The following PID1 variants were observed in gnomAD, a reference collection of about 807,000 sequenced individuals.
PID1 encodes the protein phosphotyrosine interaction domain containing 1.
In PID1, 10 loss-of-function variants were observed where a neutral mutation model predicts 19.1. The observed-to-expected ratio is 0.52, with a 90% CI of 0.32 to 0.89. The LOEUF is 0.89. Among genes scored for constraint, PID1 ranks in the 40% least tolerant of loss-of-function variants. The pLI, the probability that PID1 is intolerant of heterozygous loss-of-function variation, is 0.03. For synonymous variants in PID1, 130 were observed against 116.0 expected, an observed-to-expected ratio of 1.12 and a Z score of -0.78; for missense variants, 248 against 285.3, an observed-to-expected ratio of 0.87 and a Z score of 0.94.
chr2:229,190,719 C>A (rs368042703), intron 1 of PID1, among the ~76,000 whole-genome samples: 6 of 152,148 alleles, frequency 3.9e-5, no homozygotes, highest in Non-Finnish European at 7.3e-5. Flanking sequence ...CTAGGTATAT[C>A]GGCTCTTCTT....
chr2:229,085,593 T>C (rs1194207272), intron 2 of PID1, among the ~76,000 whole-genome samples: 2 of 152,190 alleles, frequency 1.3e-5, no homozygotes, highest in Non-Finnish European at 2.9e-5. Flanking sequence ...GTCAAAATGG[T>C]AGTTAGAAGA....
At chr2:229,227,497 G>A (rs1213546432) in intron 1 of PID1, among the ~76,000 whole-genome samples, 1 of 152,182 alleles carries the variant, frequency 6.6e-6, no homozygotes, top group Non-Finnish European at 1.5e-5. Flanking sequence ...CCTTTCAGGG[G>A]TAGCAATTAT....
At chr2:229,171,504 T>C (rs529082621) in intron 1 of PID1, among the ~76,000 whole-genome samples, 1 of 152,340 alleles carries the variant, frequency 6.6e-6, no homozygotes, top group South Asian at 2.1e-4. Flanking sequence ...ATTATCATCA[T>C]ATCTAGAAAG....
chr2:229,036,718 G>A (rs184230848), intron 2 of PID1, among the ~76,000 whole-genome samples: 40 of 152,128 alleles, frequency 2.6e-4, no homozygotes, highest in African/African-American at 9.4e-4. Flanking sequence ...ACTGCACTCC[G>A]GTCTGGGCAA....
chr2:229,231,776 T>A, intron 1 of PID1: 1 of 1,315,002 alleles, frequency 7.6e-7, no homozygotes, highest in Non-Finnish European at 1.0e-6. Context: ...CATGGATGTG[T>A]CTCAATAGTC....
chr2:229,100,273 C>A (rs2106227323), intron 2 of PID1, among the ~76,000 whole-genome samples: 1 of 152,304 alleles, frequency 6.6e-6, no homozygotes, highest in East Asian at 1.9e-4. Flanking sequence ...ACTCCAAACT[C>A]AGTTTTATTT....
chr2:229,100,647 A>G (rs1415387099), intron 2 of PID1, among the ~76,000 whole-genome samples: 1 of 152,192 alleles, frequency 6.6e-6, no homozygotes, highest in Non-Finnish European at 1.5e-5. Flanking sequence ...CTCTATGCCC[A>G]CCCATAAGGA....
chr2:229,102,068 G>T (rs1695084331), intron 2 of PID1, among the ~76,000 whole-genome samples: 2 of 152,086 alleles, frequency 1.3e-5, no homozygotes, highest in African/African-American at 4.8e-5. Flanking sequence ...TGAAGATGGA[G>T]AATGGGCCAC....
At chr2:229,148,533 G>A (rs983445367) in intron 2 of PID1, among the ~76,000 whole-genome samples, 1 of 152,066 alleles carries the variant, frequency 6.6e-6, no homozygotes, top group Non-Finnish European at 1.5e-5. Flanking sequence ...AGATTCCTCC[G>A]GTTTTCAAAA....
In PID1 at chr2:229,025,279, G is replaced by T. The variant is rs1043470331; in HGVS notation, c.*353C>A. On this transcript the variant is annotated 3_prime_UTR_variant, in exon 3 of 3. Coordinates refer to ENST00000392055, the MANE Select transcript of PID1 (RefSeq NM_001100818.2). Reference sequence around the variant, plus strand: ...CTTGTGGAATTTCATAAGGCAGATCGGAATGGCCCATCCAATAACAGCTGC... The same window carrying T: ...CTTGTGGAATTTCATAAGGCAGATCTGAATGGCCCATCCAATAACAGCTGC... 4.3e-6 allele frequency: 1 copy of T among 231,524 alleles called. No homozygotes were observed. Among genetic ancestry groups the T allele is most frequent in the Non-Finnish European group, 8.7e-6 (1 of 115,364 alleles). The allele number at this position is 231,524 out of a possible 1,614,324, so 14.3% of individuals were successfully genotyped here. A position where few individuals can be genotyped will look rare whatever the true frequency, so the allele number is the denominator to read the frequency against.
Position 229,177,727 on chromosome 2 carries a change from T to TTCA in PID1, c.31-21766_31-21764dup, listed in dbSNP as rs375569112. 2.3e-3 allele frequency among the ~76,000 whole-genome samples: 355 copies of TTCA among 151,848 alleles called. 1 individual carries two copies. Among genetic ancestry groups the TTCA allele is most frequent in the African/African-American group, 6.4e-3 (264 of 41,440 alleles). On this transcript the variant is annotated intron_variant, in intron 1 of 2. Coordinates refer to ENST00000392055, the MANE Select transcript of PID1 (RefSeq NM_001100818.2). ...CTATCCAGTTGAACCCCTGGCATCT[T>TTCA]TCATCATCATCATCATCATCATCAT...
intron 1 of PID1, among the ~76,000 whole-genome samples, chr2:229,228,286 T>C (rs1295684219): frequency 6.6e-6 from 1 of 152,238 alleles, no homozygotes; most frequent in Non-Finnish European, 1.5e-5. Flanking sequence ...CTGTTACAAT[T>C]GTTAATTCAC....
At chr2:229,113,584 GTGTATGCATATA>G in intron 2 of PID1, among the ~76,000 whole-genome samples, 1 of 107,062 alleles carries the variant, frequency 9.3e-6, no homozygotes, top group East Asian at 2.5e-4. Context: ...GTGTGTATGT[GTGTATGCATATA>G]TGTGTGTGTG....
At chr2:229,092,636 T>C (rs1270375868) in intron 2 of PID1, among the ~76,000 whole-genome samples, 1 of 152,124 alleles carries the variant, frequency 6.6e-6, no homozygotes, top group Non-Finnish European at 1.5e-5. Context: ...ACCTTTCCTT[T>C]TTCCAAGTGC....
intron 2 of PID1, among the ~76,000 whole-genome samples, chr2:229,102,327 A>AT (rs1205717624): frequency 1.3e-5 from 2 of 152,168 alleles, no homozygotes; most frequent in Non-Finnish European, 2.9e-5. Context: ...AAAAAAAAAA[A>AT]GTAAACAAAT....
At chr2:229,094,328 T>A (rs956000422) in intron 2 of PID1, among the ~76,000 whole-genome samples, 2 of 152,150 alleles carry the variant, frequency 1.3e-5, no homozygotes, top group Admixed American at 6.5e-5. Context: ...CCCATGGCCA[T>A]GGATTAGAAG....
chr2:229,249,871 A>G (rs887465261), intron 1 of PID1, among the ~76,000 whole-genome samples: 21 of 152,226 alleles, frequency 1.4e-4, no homozygotes, highest in African/African-American at 4.8e-4. Context: ...ACAGAAAAGG[A>G]TATTTCAAAG....
intron 2 of PID1, among the ~76,000 whole-genome samples, chr2:229,147,577 T>A (rs970116426): frequency 2.6e-5 from 4 of 152,050 alleles, no homozygotes. Context: ...CTTTTTTATA[T>A]ACTTAATACA....
intron 2 of PID1, among the ~76,000 whole-genome samples, chr2:229,094,868 A>C (rs1036367522): frequency 3.3e-5 from 5 of 152,300 alleles, no homozygotes; most frequent in South Asian, 2.1e-4. Context: ...AGAAAAAAAA[A>C]CAAACAAAAG....
Sources: gnomAD v4.1 joint callset for allele counts (sites outside exome capture counted in the v4.1 genomes callset) on GRCh38, gnomAD v4.1.1 for gene constraint, MANE v1.5 for transcripts, NCBI Gene and HGNC (gene_info 2026-07-23, HGNC 2026-07-21) for gene names.